Variants in PCDHA7 observed in about 807,000 individuals in gnomAD.
PCDHA7 encodes protocadherin alpha 7, also known as protocadherin alpha-7.
A neutral mutation model predicts 57.2 loss-of-function variants in PCDHA7; 37 were observed. The ratio of observed to expected loss-of-function variants is 0.65; its 90% CI spans 0.50 to 0.85. The LOEUF is 0.85. PCDHA7 is among the 40% of genes least tolerant of loss of function. PCDHA7 has a pLI of 0.00. For missense variants in PCDHA7, 1,188 were observed against 1,241.8 expected (o/e 0.96, Z 0.65); for synonymous variants, 553 against 558.8 (o/e 0.99, Z 0.15).
chr5:140,990,157 T>C (rs113813870), intron 3 of PCDHA7, among the ~76,000 whole-genome samples: 6 of 152,050 alleles, frequency 3.9e-5, no homozygotes, highest in African/African-American at 1.2e-4. Flanking sequence ...AATAGAAAGT[T>C]AGGGTATGAA....
intron 1 of PCDHA7, chr5:140,849,876 A>T (rs191347173): frequency 4.4e-6 from 7 of 1,598,522 alleles, no homozygotes; most frequent in Middle Eastern, 1.7e-4. Context: ...GTCCGAGTAC[A>T]CGGTGTTCGT....
chr5:140,847,780 T>C (rs1554141908), intron 1 of PCDHA7: 1 of 149,906 alleles, frequency 6.7e-6, no homozygotes, highest in Non-Finnish European at 1.5e-5. Context: ...TTCTCGCTTT[T>C]CTTGCAATAT....
At chr5:140,989,839 AGT>A (rs1161936815) in intron 3 of PCDHA7, among the ~76,000 whole-genome samples, 2 of 152,166 alleles carry the variant, frequency 1.3e-5, no homozygotes, top group Non-Finnish European at 2.9e-5. Context: ...CCTGTCAATG[AGT>A]GTGTGGACTG....
At chr5:140,962,319 T>A (rs1585921663) in intron 1 of PCDHA7, among the ~76,000 whole-genome samples, 1 of 152,226 alleles carries the variant, frequency 6.6e-6, no homozygotes, top group Admixed American at 6.5e-5. Context: ...GCCATCTCAA[T>A]TGAGAATACT....
rs2150261157 is a variant in PCDHA7, at chr5:140,836,447, C to T, written c.2064C>T (p.Gly688=). The change falls in exon 1 of 4, where the codon GGC becomes GGT. Residue 688 remains glycine (G), a synonymous_variant. Transcript: ENST00000525929. ...CGCGGGCATCGTTGGGCATTGCAGG[C>T]CCAGAGACCGAGCTGGTGGATGTCA... is the stretch of plus-strand genomic sequence containing the variant. ...ASSRASLGIA[G]PETELVDVNV... is the part of the protein sequence containing the mutation. 26 of 1,613,828 alleles carry T rather than the reference C, an allele frequency of 1.6e-5. No individual in the cohort carries two copies. In the African/African-American group the frequency reaches 3.1e-4, roughly 19 times the overall value.
chr5:141,009,651 C>A lies in PCDHA7; in HGVS notation c.2528C>A (p.Pro843His). 1 of 1,613,950 alleles carries A rather than the reference C, an allele frequency of 6.2e-7. No individual in the cohort carries two copies. The highest frequency in any genetic ancestry group is 8.5e-7 in the Non-Finnish European group (1 of 1,179,936). Residue 843 changes from proline (P) to histidine (H), a missense_variant, in exon 4 of 4, where the codon CCT (proline) becomes CAT (histidine). By Grantham distance (77) the Pro-to-His change is moderately conservative. Coordinates refer to ENST00000525929, the MANE Select transcript of PCDHA7 (RefSeq NM_018910.3). Reference protein sequence around the residue: ...TPEPEAGEVSPPVGAGVNSNS... With the variant: ...TPEPEAGEVSHPVGAGVNSNS... ...GAACCAGAGGCAGGAGAAGTGTCCC[C>A]TCCAGTCGGTGCGGGTGTCAACAGC...
At chr5:140,921,301 C>T (rs1227923324) in intron 1 of PCDHA7, among the ~76,000 whole-genome samples, 1 of 151,954 alleles carries the variant, frequency 6.6e-6, no homozygotes. Flanking sequence ...TTGCTGAATG[C>T]CATTGTATTA....
intron 1 of PCDHA7, among the ~76,000 whole-genome samples, chr5:140,951,082 CTTT>C (rs573059224): frequency 6.6e-6 from 1 of 151,404 alleles, no homozygotes; most frequent in African/African-American, 2.4e-5. Flanking sequence ...TTATATTTTC[CTTT>C]TTTTCTGATA....
chr5:140,976,546 A>G (rs2096722070), intron 1 of PCDHA7, among the ~76,000 whole-genome samples: 1 of 152,086 alleles, frequency 6.6e-6, no homozygotes, highest in Non-Finnish European at 1.5e-5. Context: ...GTAAGACCCT[A>G]TCTCATAAAT....
chr5:140,929,306 A>G lies in PCDHA7; in HGVS notation c.2356-49643A>G, dbSNP rs781950847. 9 of 1,572,580 alleles carry G rather than the reference A, an allele frequency of 5.7e-6. No homozygotes were observed. The Admixed American group carries it at 9.0e-5, about 16-fold the overall frequency. On this transcript the variant is annotated intron_variant, in intron 1 of 3. Coordinates refer to ENST00000525929, the MANE Select transcript of PCDHA7 (RefSeq NM_018910.3). The stretch of plus-strand genomic sequence containing the variant: ...CAGATTCGGAATAGGAAAGGGGATC[A>G]CGCTAATGTCAATGCCATGGTAAGC...
At chr5:140,883,355 A>C (rs763058953) in intron 1 of PCDHA7, 36 of 1,613,958 alleles carry the variant, frequency 2.2e-5, no homozygotes, top group Non-Finnish European at 3.0e-5. Context: ...CAGAGAAGAC[A>C]CTCAGCCTAG....
chr5:140,851,916 G>A, intron 1 of PCDHA7: 1 of 968,262 alleles, frequency 1.0e-6, no homozygotes, highest in Non-Finnish European at 1.2e-6. Flanking sequence ...GTCACTACAT[G>A]TTATGTTTCC....
In PCDHA7 at chr5:140,843,928, G is replaced by A. The variant is rs1028169690; in HGVS notation, c.2355+7190G>A. 7.7e-5 allele frequency: 45 copies of A among 584,434 alleles called. 4 individuals carry two copies. The highest frequency in any genetic ancestry group is 1.3e-4 in the Non-Finnish European group (44 of 335,490). The allele number at this position is 584,434 out of a possible 1,614,324, so 36.2% of individuals were successfully genotyped here. ...AAGTTGGGTCTATCTTGAAACTCAA[G>A]TTATGGTTGGATGATATCCATTTTT... On this transcript the variant is annotated intron_variant, in intron 1 of 3. Coordinates refer to ENST00000525929, the MANE Select transcript of PCDHA7 (RefSeq NM_018910.3).
Position 140,939,297 on chromosome 5 carries a change from T to C in PCDHA7, c.2356-39652T>C, listed in dbSNP as rs116782192. Among the ~76,000 whole-genome samples the C allele has an allele frequency of 5.4e-3, 827 of 152,242 alleles. 3 individuals are homozygous for C. The highest frequency in any genetic ancestry group is 0.019 in the African/African-American group (796 of 41,542). ...TGTGCCCTCGTGATCTAATCATCTC[T>C]ACAAAAGCCCTACCTCCTAATATCA... On this transcript the variant is annotated intron_variant, in intron 1 of 3. Coordinates refer to ENST00000525929, the MANE Select transcript of PCDHA7 (RefSeq NM_018910.3).
chr5:140,866,758 A>T (rs1554160534), intron 1 of PCDHA7: 1 of 152,196 alleles, frequency 6.6e-6, no homozygotes, highest in Non-Finnish European at 1.5e-5. Flanking sequence ...CTAACAGGAC[A>T]TACAGGCAGA....
chr5:140,871,036 C>A (rs781977409), intron 1 of PCDHA7: 2 of 1,613,156 alleles, frequency 1.2e-6, no homozygotes, highest in East Asian at 2.2e-5. Flanking sequence ...GCCGCGCCAC[C>A]GACTTCTAGT....
intron 1 of PCDHA7, among the ~76,000 whole-genome samples, chr5:140,941,810 A>T (rs188836583): frequency 6.6e-5 from 10 of 152,356 alleles, no homozygotes; most frequent in Admixed American, 4.6e-4. Flanking sequence ...TGATTTCAGT[A>T]GGATGACTGC....
intron 3 of PCDHA7, among the ~76,000 whole-genome samples, chr5:140,987,919 A>G (rs1441531471): frequency 1.3e-5 from 2 of 152,082 alleles, no homozygotes; most frequent in East Asian, 3.9e-4. Context: ...TATATTCTTA[A>G]TTGTCTCAAG....
At chr5:140,887,062 C>A (rs1183265871) in intron 1 of PCDHA7, among the ~76,000 whole-genome samples, 2 of 151,718 alleles carry the variant, frequency 1.3e-5, no homozygotes, top group African/African-American at 4.8e-5. Flanking sequence ...GTTCTGGCAA[C>A]AAATTCACTC....
Sources: gnomAD v4.1 joint callset for allele counts (sites outside exome capture counted in the v4.1 genomes callset) on GRCh38, gnomAD v4.1.1 for gene constraint, MANE v1.5 for transcripts, NCBI Gene and HGNC (gene_info 2026-07-23, HGNC 2026-07-21) for gene names.